HYDIN: variants seen among roughly 807,000 people sequenced by gnomAD.
The protein encoded by HYDIN is HYDIN axonemal central pair apparatus protein, also known as axonemal central pair apparatus protein HYDIN.
In HYDIN, 132 loss-of-function variants were observed where a neutral mutation model predicts 403.9. That is an observed-to-expected ratio of 0.33 (90% CI 0.28 to 0.38). The LOEUF is 0.38. Among genes scored for constraint, HYDIN ranks in the 10% least tolerant of loss-of-function variants. The pLI, the probability that HYDIN is intolerant of heterozygous loss-of-function variation, is 1.00. For synonymous variants in HYDIN, 1,202 were observed against 1,891.7 expected (o/e 0.64, Z 9.46); for missense variants, 2,827 against 5,009.5 (o/e 0.56, Z 13.15).
In HYDIN at chr16:70,899,868, T is replaced by C. The variant is rs1343913756; in HGVS notation, c.9048+1136A>G. ...CCCAGCAGGGTTGCAACAAGGTCAG[T>C]GGCTTGAGCCAAGAAACAGCCAAGA... On this transcript the variant is annotated intron_variant, in intron 53 of 85. Transcript: ENST00000393567. Among the ~76,000 whole-genome samples the C allele has an allele frequency of 2.6e-5, 4 of 151,874 alleles. No homozygotes were observed. The East Asian group carries it at 7.7e-4, about 29-fold the overall frequency.
At chr16:71,151,291 T>C (rs1350728206) in intron 7 of HYDIN, among the ~76,000 whole-genome samples, 2 of 151,990 alleles carry the variant, frequency 1.3e-5, no homozygotes, top group Non-Finnish European at 2.9e-5. Flanking sequence ...GTCTGTGGCA[T>C]TGTTCTGCTG....
chr16:70,839,272 C>G (rs1265757447), intron 76 of HYDIN, among the ~76,000 whole-genome samples: 2 of 131,726 alleles, frequency 1.5e-5, no homozygotes, highest in Non-Finnish European at 3.0e-5. Context: ...GGCAAGGAGA[C>G]AGAGGCATAG....
chr16:71,110,381 A>T (rs933968724), intron 10 of HYDIN, among the ~76,000 whole-genome samples: 1 of 136,450 alleles, frequency 7.3e-6, no homozygotes, highest in African/African-American at 2.9e-5. Context: ...AAAATAAAAT[A>T]CATATATTTT....
chr16:70,805,090 C>T lies in HYDIN; in HGVS notation c.*2490G>A, dbSNP rs2035052737. Among the ~76,000 whole-genome samples the T allele has an allele frequency of 1.3e-5, 2 of 152,220 alleles. No individual in the cohort carries two copies. On this transcript the variant is annotated 3_prime_UTR_variant, in exon 86 of 86. Coordinates refer to ENST00000393567, the MANE Select transcript of HYDIN (RefSeq NM_001270974.2). Reference sequence around the variant, plus strand: ...GTGAGGGACCAATTGCTTCCCTTCTCCTAACCTATACCTCTGGTGAATAGG... The same window carrying T: ...GTGAGGGACCAATTGCTTCCCTTCTTCTAACCTATACCTCTGGTGAATAGG...
intron 1 of HYDIN, among the ~76,000 whole-genome samples, chr16:71,221,804 A>C (rs2089215431): frequency 6.6e-6 from 1 of 152,202 alleles, no homozygotes; most frequent in African/African-American, 2.4e-5. Context: ...GTTTAGCCTA[A>C]AGCTGCCTCC....
Position 70,866,234 on chromosome 16 carries a change from T to G in HYDIN, c.11406A>C (p.Ser3802=). 2.1e-6 allele frequency: 3 copies of G among 1,429,762 alleles called. No individual in the cohort carries two copies. The South Asian group carries it at 3.5e-5, about 17-fold the overall frequency. The allele number at this position is 1,429,762 out of a possible 1,614,324, so 88.6% of individuals were successfully genotyped here. A position where few individuals can be genotyped will look rare whatever the true frequency, so the allele number is the denominator to read the frequency against. The change falls in exon 67 of 86, where the codon TCA becomes TCC. Residue 3802 remains serine, a synonymous_variant. Transcript: ENST00000393567. ...LQISANVDFA[S]YHCQARDVRF... ...GCACATCTCTTGCTTGGCAATGGTATGAAGCGAAATCCACATTGGCACTGA... is the reference window on the plus strand; with the variant it reads ...GCACATCTCTTGCTTGGCAATGGTAGGAAGCGAAATCCACATTGGCACTGA...
intron 28 of HYDIN, among the ~76,000 whole-genome samples, chr16:70,983,982 GAATA>G (rs1400693335): frequency 6.6e-6 from 1 of 152,024 alleles, no homozygotes; most frequent in Non-Finnish European, 1.5e-5. Context: ...TTAGGCAAAT[GAATA>G]GTCTTACATT....
intron 1 of HYDIN, among the ~76,000 whole-genome samples, chr16:71,220,517 A>G (rs1374680836): frequency 6.6e-6 from 1 of 152,194 alleles, no homozygotes; most frequent in Non-Finnish European, 1.5e-5. Flanking sequence ...CTTCACATAA[A>G]AAGAAAATAT....
At position 70,804,017 on chromosome 16, in the gene HYDIN, GT is replaced by G. The variant is rs1197046892; in HGVS notation, c.*3562del. Among the ~76,000 whole-genome samples the G allele has an allele frequency of 1.1e-4, 16 of 152,224 alleles. No individual in the cohort carries two copies. The highest frequency in any genetic ancestry group is 1.0e-3 in the Admixed American group (16 of 15,284). The stretch of plus-strand genomic sequence containing the variant: ...TCTCCAATGTAACTTCCACAAGCAT[GT>G]GTTGGAAGGGTTATTTTCATCAAGC... On this transcript the variant is annotated 3_prime_UTR_variant, in exon 86 of 86. Coordinates refer to ENST00000393567, the MANE Select transcript of HYDIN (RefSeq NM_001270974.2).
At chr16:71,178,157 C>A (rs528656700) in intron 4 of HYDIN, among the ~76,000 whole-genome samples, 1 of 152,224 alleles carries the variant, frequency 6.6e-6, no homozygotes, top group Admixed American at 6.5e-5. Flanking sequence ...CGGTGGCTCA[C>A]GCCTATAATC....
chr16:70,834,991 TAC>T (rs1177550627), intron 78 of HYDIN, among the ~76,000 whole-genome samples: 2 of 137,614 alleles, frequency 1.5e-5, no homozygotes, highest in Non-Finnish European at 3.0e-5. Flanking sequence ...TATATATATA[TAC>T]ACACATATAT....
intron 8 of HYDIN, among the ~76,000 whole-genome samples, chr16:71,136,811 C>G (rs1597860402): frequency 6.7e-6 from 1 of 149,582 alleles, no homozygotes; most frequent in Non-Finnish European, 1.5e-5. Context: ...CCTGATCAAC[C>G]TAGTTAGGGT....
chr16:70,899,606 T>C (rs2076304966), intron 53 of HYDIN, among the ~76,000 whole-genome samples: 1 of 152,204 alleles, frequency 6.6e-6, no homozygotes, highest in African/African-American at 2.4e-5. Flanking sequence ...TAATTTGTTG[T>C]AGTAGCCTTG....
chr16:70,899,992 C>T (rs1300897312), intron 53 of HYDIN, among the ~76,000 whole-genome samples: 1 of 151,422 alleles, frequency 6.6e-6, no homozygotes, highest in Non-Finnish European at 1.5e-5. Context: ...GGGCTTTATT[C>T]CTACTGCAGT....
chr16:70,995,900 T>A (rs1275863580), intron 23 of HYDIN, among the ~76,000 whole-genome samples: 1 of 151,494 alleles, frequency 6.6e-6, no homozygotes, highest in African/African-American at 2.4e-5. Context: ...CAGCAGATGC[T>A]GCCAGTGCAC....
In HYDIN at chr16:70,919,668, T is replaced by G. The variant is rs566896079; in HGVS notation, c.7785+923A>C. Among the ~76,000 whole-genome samples the G allele has an allele frequency of 5.7e-3, 867 of 152,084 alleles. 5 individuals are homozygous for G. Among genetic ancestry groups the G allele is most frequent in the African/African-American group, 0.02 (812 of 41,498 alleles). ...TTTAAGACCAGCCTGACCAACATGGTGAAACCCTGTCTCTACTAAAGATAC... is the reference window on the plus strand; with the variant it reads ...TTTAAGACCAGCCTGACCAACATGGGGAAACCCTGTCTCTACTAAAGATAC... On this transcript the variant is annotated intron_variant, in intron 46 of 85. Transcript: ENST00000393567.
chr16:71,036,970 C>T (rs1204664429), intron 18 of HYDIN, among the ~76,000 whole-genome samples: 3 of 144,612 alleles, frequency 2.1e-5, no homozygotes, highest in Non-Finnish European at 4.5e-5. Context: ...GAGGGCATTC[C>T]GTAATTCTTT....
chr16:71,189,721 G>A (rs2087329655), intron 1 of HYDIN, among the ~76,000 whole-genome samples: 1 of 150,724 alleles, frequency 6.6e-6, no homozygotes, highest in African/African-American at 2.4e-5. Context: ...GAGCCGTGAT[G>A]GCGCCACTAC....
At chr16:70,859,434 C>T (rs543613351) in intron 71 of HYDIN, among the ~76,000 whole-genome samples, 13 of 152,362 alleles carry the variant, frequency 8.5e-5, no homozygotes, top group African/African-American at 1.7e-4. Flanking sequence ...CCCTGGTACC[C>T]TGTATTACCC....
Sources: gnomAD v4.1 joint callset for allele counts (sites outside exome capture counted in the v4.1 genomes callset) on GRCh38, gnomAD v4.1.1 for gene constraint, MANE v1.5 for transcripts, NCBI Gene and HGNC (gene_info 2026-07-23, HGNC 2026-07-21) for gene names.